MAP7: variants seen among roughly 807,000 people sequenced by gnomAD.
MAP7 encodes the protein microtubule associated protein 7, also known as ensconsin.
In MAP7, 52 loss-of-function variants were observed where a neutral mutation model predicts 94.8. That is an observed-to-expected ratio of 0.55 (90% CI 0.44 to 0.69). The LOEUF is 0.69. MAP7 is among the 30% of genes least tolerant of loss of function. The pLI is 0.00. For synonymous variants in MAP7, 350 were observed against 357.0 expected, an observed-to-expected ratio of 0.98 and a Z score of 0.22; for missense variants, 940 against 964.6, an observed-to-expected ratio of 0.97 and a Z score of 0.34.
At chr6:136,475,714 T>C (rs1426001810) in intron 1 of MAP7, 2 of 151,828 alleles carry the variant, frequency 1.3e-5, no homozygotes, top group Non-Finnish European at 2.9e-5. Flanking sequence ...TTGGTTTACT[T>C]TTTATTTTTT....
intron 3 of MAP7, among the ~76,000 whole-genome samples, chr6:136,406,440 ATC>A (rs1408100068): frequency 6.6e-6 from 1 of 152,212 alleles, no homozygotes; most frequent in African/African-American, 2.4e-5. Context: ...AAGCACAAGG[ATC>A]TCTCTCTACT....
intron 1 of MAP7, among the ~76,000 whole-genome samples, chr6:136,497,466 T>G: frequency 6.6e-6 from 1 of 151,706 alleles, no homozygotes; most frequent in South Asian, 2.1e-4. Flanking sequence ...CTTTGTTATC[T>G]TATGTAAAAT....
At chr6:136,392,779 G>A (rs1049259661) in intron 3 of MAP7, among the ~76,000 whole-genome samples, 1 of 152,252 alleles carries the variant, frequency 6.6e-6, no homozygotes, top group Middle Eastern at 3.4e-3. Flanking sequence ...AATCAGATGT[G>A]TACCTTGAGA....
At chr6:136,525,930 C>A in intron 1 of MAP7, 3 of 1,534,056 alleles carry the variant, frequency 2.0e-6, no homozygotes, top group Non-Finnish European at 2.6e-6. Flanking sequence ...CTTCTTCAGT[C>A]TCTCATGTCG....
intron 1 of MAP7, among the ~76,000 whole-genome samples, chr6:136,460,417 T>C (rs988030806): frequency 6.6e-6 from 1 of 152,184 alleles, no homozygotes; most frequent in Non-Finnish European, 1.5e-5. Context: ...TTTGGATCAT[T>C]AAAATAAATA....
intron 5 of MAP7, among the ~76,000 whole-genome samples, chr6:136,387,496 C>A (rs142178022): frequency 6.6e-6 from 1 of 152,142 alleles, no homozygotes; most frequent in South Asian, 2.1e-4. Flanking sequence ...TACGTCTATG[C>A]GCTAGGGTAT....
In MAP7 at chr6:136,512,956, C is replaced by G. The variant is rs572713530; in HGVS notation, c.67+37386G>C. Reference sequence around the variant, plus strand: ...AAGCAATCCTTCTGCATCAGCCTCTCAAGTTGCTAGGACTATAGGCTTGTG... The same window carrying G: ...AAGCAATCCTTCTGCATCAGCCTCTGAAGTTGCTAGGACTATAGGCTTGTG... On this transcript the variant is annotated intron_variant, in intron 1 of 17. Transcript: ENST00000354570. Among the ~76,000 whole-genome samples the G allele has an allele frequency of 2.4e-4, 36 of 152,076 alleles. 1 individual carries two copies. In the South Asian group the frequency reaches 7.1e-3, roughly 30 times the overall value.
intron 1 of MAP7, among the ~76,000 whole-genome samples, chr6:136,505,114 G>A (rs1395267993): frequency 2.6e-5 from 4 of 151,172 alleles, no homozygotes; most frequent in African/African-American, 4.9e-5. Flanking sequence ...CCAAACAGAC[G>A]ATAAAATAAA....
intron 1 of MAP7, among the ~76,000 whole-genome samples, chr6:136,446,261 G>A (rs112926110): frequency 0.043 from 6,575 of 152,052 alleles, 292 homozygotes; most frequent in African/African-American, 0.11. Flanking sequence ...ATCATCAGAG[G>A]TGGATAGGGC....
At chr6:136,450,677 G>T (rs958064486) in intron 1 of MAP7, among the ~76,000 whole-genome samples, 1 of 151,730 alleles carries the variant, frequency 6.6e-6, no homozygotes. Flanking sequence ...CCAGCTACTC[G>T]GAAGGCTGAG....
At chr6:136,481,138 T>C (rs1292792527) in intron 1 of MAP7, among the ~76,000 whole-genome samples, 8 of 152,200 alleles carry the variant, frequency 5.3e-5, no homozygotes, top group Admixed American at 3.3e-4. Context: ...GGTGAGGATG[T>C]AGAGAAAAGG....
intron 1 of MAP7, among the ~76,000 whole-genome samples, chr6:136,450,873 C>T (rs776677747): frequency 6.6e-6 from 1 of 152,094 alleles, no homozygotes; most frequent in Non-Finnish European, 1.5e-5. Context: ...TTGAAGGTTA[C>T]TGCTGGTGGG....
chr6:136,352,773 C>A (rs1022979672), intron 16 of MAP7, among the ~76,000 whole-genome samples: 1 of 152,196 alleles, frequency 6.6e-6, no homozygotes, highest in Non-Finnish European at 1.5e-5. Context: ...ATGGAAACTA[C>A]AAACAATGAC....
rs1783689044 is a variant in MAP7 at position 136,400,248 on chromosome 6, C to G, written c.245-10731G>C. Among the ~76,000 whole-genome samples, 10 of 151,966 alleles carry G rather than the reference C, an allele frequency of 6.6e-5. No homozygotes were observed. The South Asian group carries it at 2.1e-3, about 32-fold the overall frequency. On this transcript the variant is annotated intron_variant, in intron 3 of 17. Coordinates refer to ENST00000354570, the MANE Select transcript of MAP7 (RefSeq NM_003980.6). ...TGGCTAACACAGTGAAACCCTGTCTCTACTGAAAATACAAAAAATTAGCCA... is the reference window on the plus strand; with the variant it reads ...TGGCTAACACAGTGAAACCCTGTCTGTACTGAAAATACAAAAAATTAGCCA...
intron 1 of MAP7, among the ~76,000 whole-genome samples, chr6:136,514,844 A>G (rs1323367591): frequency 6.6e-6 from 1 of 152,200 alleles, no homozygotes; most frequent in Non-Finnish European, 1.5e-5. Context: ...TAGAATTTTC[A>G]GAATGGCAAA....
chr6:136,488,572 G>A (rs912551353), intron 1 of MAP7, among the ~76,000 whole-genome samples: 5 of 151,608 alleles, frequency 3.3e-5, no homozygotes, highest in Non-Finnish European at 5.9e-5. Flanking sequence ...AGCCTCCCGA[G>A]TAGCTGGGAC....
intron 1 of MAP7, among the ~76,000 whole-genome samples, chr6:136,515,794 A>G (rs1398729977): frequency 6.6e-6 from 1 of 152,224 alleles, no homozygotes; most frequent in Non-Finnish European, 1.5e-5. Flanking sequence ...AATAACAATG[A>G]AAAAGTTTGA....
intron 1 of MAP7, among the ~76,000 whole-genome samples, chr6:136,484,081 G>C (rs147815668): frequency 6.6e-6 from 1 of 152,162 alleles, no homozygotes; most frequent in African/African-American, 2.4e-5. Context: ...TTGAGACCAC[G>C]CATCAGTTGA....
intron 15 of MAP7, among the ~76,000 whole-genome samples, chr6:136,357,641 C>T (rs1791406006): frequency 6.6e-6 from 1 of 152,086 alleles, no homozygotes; most frequent in Non-Finnish European, 1.5e-5. Flanking sequence ...ACCACAAGTA[C>T]ATGCCAACAT....
Sources: gnomAD v4.1 joint callset for allele counts (sites outside exome capture counted in the v4.1 genomes callset) on GRCh38, gnomAD v4.1.1 for gene constraint, MANE v1.5 for transcripts, NCBI Gene and HGNC (gene_info 2026-07-23, HGNC 2026-07-21) for gene names.